ADAMTSL3: variants seen among roughly 807,000 people sequenced by gnomAD.
The protein encoded by ADAMTSL3 is ADAMTS like 3.
ADAMTSL3 carries 128 observed loss-of-function variants against 201.7 expected under a neutral mutation model. The observed-to-expected ratio is 0.63, with a 90% CI of 0.55 to 0.73. ADAMTSL3 has a LOEUF of 0.73. Among genes scored for constraint, ADAMTSL3 ranks in the 30% least tolerant of loss-of-function variants. ADAMTSL3 has a pLI of 0.00. For synonymous variants in ADAMTSL3, 738 were observed against 748.4 expected (o/e 0.99, Z 0.23); for missense variants, 1,990 against 2,119.6 (o/e 0.94, Z 1.20).
At chr15:83,966,708 C>G (rs1464582667) in intron 19 of ADAMTSL3, among the ~76,000 whole-genome samples, 2 of 152,172 alleles carry the variant, frequency 1.3e-5, no homozygotes, top group East Asian at 3.9e-4. Flanking sequence ...ATACCAAAAC[C>G]TGGCAGAAAC....
intron 2 of ADAMTSL3, among the ~76,000 whole-genome samples, chr15:83,683,120 A>C (rs1045233100): frequency 2.6e-5 from 4 of 152,218 alleles, no homozygotes; most frequent in African/African-American, 9.6e-5. Context: ...CCAAGATGAA[A>C]CCAGCATTAG....
chr15:83,718,123 A>G (rs2062044695), intron 3 of ADAMTSL3, among the ~76,000 whole-genome samples: 1 of 152,206 alleles, frequency 6.6e-6, no homozygotes, highest in Non-Finnish European at 1.5e-5. Context: ...AAACCAGGAC[A>G]TATTTTGCAG....
At chr15:83,946,252 T>C in intron 19 of ADAMTSL3, among the ~76,000 whole-genome samples, 1 of 152,222 alleles carries the variant, frequency 6.6e-6, no homozygotes, top group South Asian at 2.1e-4. Context: ...CTTTCCTCCG[T>C]GTCCGCTCTC....
chr15:83,766,006 G>A (rs1460689815), intron 3 of ADAMTSL3, among the ~76,000 whole-genome samples: 2 of 152,150 alleles, frequency 1.3e-5, no homozygotes, highest in African/African-American at 4.8e-5. Flanking sequence ...GAAAACAGAG[G>A]TGAGCACAAA....
intron 19 of ADAMTSL3, among the ~76,000 whole-genome samples, chr15:83,956,847 A>G (rs2066872568): frequency 6.6e-6 from 1 of 152,232 alleles, no homozygotes; most frequent in Non-Finnish European, 1.5e-5. Context: ...TCTACTCTAA[A>G]TAGGCCTATT....
Position 83,860,294 on chromosome 15 carries a change from C to A in ADAMTSL3, c.802+1454C>A, listed in dbSNP as rs116697518. On this transcript the variant is annotated intron_variant, in intron 8 of 29. Transcript: ENST00000286744. ...TTTAGCAAAGTGGGACAAAACAAAA[C>A]AAAATTTAAAATACAAAACCTTATC... Among the ~76,000 whole-genome samples, 1,298 of 152,238 alleles carry A rather than the reference C, an allele frequency of 8.5e-3. 12 individuals carry two copies. The highest frequency in any genetic ancestry group is 0.029 in the African/African-American group (1,215 of 41,548).
Position 83,913,209 on chromosome 15 carries a change from G to T in ADAMTSL3, c.1818G>T (p.Glu606Asp). ...TFTQTETELP[E>D]EECEGPKLPT... ...CGCAGACTGAGACTGAGCTGCCCGAGGAAGAGTGTGAAGGCCCCAAGCTGC... is the reference window on the plus strand; with the variant it reads ...CGCAGACTGAGACTGAGCTGCCCGATGAAGAGTGTGAAGGCCCCAAGCTGC... The change falls in exon 16 of 30, where the codon GAG becomes GAT. Residue 606 changes from glutamate to aspartate, a missense_variant. Coordinates refer to ENST00000286744, the MANE Select transcript of ADAMTSL3 (RefSeq NM_207517.3). 1 of 1,614,138 alleles carries T rather than the reference G, an allele frequency of 6.2e-7. No individual in the cohort carries two copies. The highest frequency in any genetic ancestry group is 8.5e-7 in the Non-Finnish European group (1 of 1,180,030).
intron 22 of ADAMTSL3, among the ~76,000 whole-genome samples, chr15:83,989,963 C>T (rs2067554127): frequency 6.6e-6 from 1 of 152,188 alleles, no homozygotes; most frequent in South Asian, 2.1e-4. Context: ...TCTCTTGAGA[C>T]TTTCTGCAGT....
intron 3 of ADAMTSL3, among the ~76,000 whole-genome samples, chr15:83,748,686 A>AC (rs1567117905): frequency 6.7e-6 from 1 of 150,060 alleles, no homozygotes; most frequent in Admixed American, 6.8e-5. Context: ...CACACACACA[A>AC]AGAAGCAAGG....
chr15:83,948,107 A>G (rs2066689143), intron 19 of ADAMTSL3, among the ~76,000 whole-genome samples: 1 of 152,242 alleles, frequency 6.6e-6, no homozygotes, highest in Non-Finnish European at 1.5e-5. Context: ...GAAAAATGTT[A>G]TAAAGAACAA....
At chr15:84,022,805 C>T (rs541368717) in intron 26 of ADAMTSL3, among the ~76,000 whole-genome samples, 2 of 152,296 alleles carry the variant, frequency 1.3e-5, no homozygotes, top group East Asian at 3.9e-4. Context: ...TATTTGATCT[C>T]CTTCCATGCT....
rs78608506 is a variant in ADAMTSL3 at position 83,848,844 on chromosome 15, T to C, written c.728-9922T>C. 3.2e-4 allele frequency among the ~76,000 whole-genome samples: 49 copies of C among 152,360 alleles called. 1 individual carries two copies. In the East Asian group the frequency reaches 8.5e-3, roughly 26 times the overall value. On this transcript the variant is annotated intron_variant, in intron 7 of 29. Transcript: ENST00000286744. Reference sequence around the variant, plus strand: ...TCAACATGGTTTTAATAATAACTTATACTTACCCAACGCCTAATTGGCACC... The same window carrying C: ...TCAACATGGTTTTAATAATAACTTACACTTACCCAACGCCTAATTGGCACC...
At chr15:83,721,086 G>A (rs375869512) in intron 3 of ADAMTSL3, among the ~76,000 whole-genome samples, 15 of 152,166 alleles carry the variant, frequency 9.9e-5, no homozygotes, top group African/African-American at 3.4e-4. Flanking sequence ...TCTTTTTTCT[G>A]TCCAGCTTAG....
At chr15:83,665,722 C>T (rs2061239449) in intron 2 of ADAMTSL3, among the ~76,000 whole-genome samples, 1 of 152,166 alleles carries the variant, frequency 6.6e-6, no homozygotes. Flanking sequence ...GTTTCCTCTC[C>T]AAGTATTTCA....
At chr15:83,915,607 G>A (rs543161218) in intron 16 of ADAMTSL3, among the ~76,000 whole-genome samples, 22 of 152,120 alleles carry the variant, frequency 1.4e-4, no homozygotes, top group Admixed American at 6.5e-4. Context: ...TTGTGCAGCC[G>A]TTAACATAAT....
chr15:83,988,738 G>A lies in ADAMTSL3; in HGVS notation c.3764G>A (p.Arg1255Lys), dbSNP rs898114814. The change falls in exon 22 of 30, where the codon AGG (arginine) becomes AAG (lysine). Residue 1255 changes from arginine to lysine, a missense_variant. Coordinates refer to ENST00000286744, the MANE Select transcript of ADAMTSL3 (RefSeq NM_207517.3). ...TGKIQIQNPT[R>K]KEQGIYECSV... Reference sequence around the variant, plus strand: ...AAGATACAGATACAGAATCCTACAAGGAAAGAACAAGGCATATATGAATGT... The same window carrying A: ...AAGATACAGATACAGAATCCTACAAAGAAAGAACAAGGCATATATGAATGT... 1.2e-6 allele frequency: 2 copies of A among 1,608,758 alleles called. No individual in the cohort carries two copies. Among genetic ancestry groups the A allele is most frequent in the Non-Finnish European group, 1.7e-6 (2 of 1,176,986 alleles).
At chr15:83,749,398 T>C (rs1018321703) in intron 3 of ADAMTSL3, among the ~76,000 whole-genome samples, 9 of 152,072 alleles carry the variant, frequency 5.9e-5, no homozygotes, top group African/African-American at 2.2e-4. Flanking sequence ...GAGAGCTTTA[T>C]TGATGGGGAT....
chr15:83,993,320 A>C (rs1189254511), intron 23 of ADAMTSL3, among the ~76,000 whole-genome samples: 1 of 152,228 alleles, frequency 6.6e-6, no homozygotes, highest in Non-Finnish European at 1.5e-5. Flanking sequence ...ATATTAATAG[A>C]AGAAGAGACT....
rs529140193 is a variant in ADAMTSL3 at position 83,687,708 on chromosome 15, T to G, written c.70-16681T>G. Reference sequence around the variant, plus strand: ...CTTCAATATTACTTCTTAGATTGTGTATGTGAAAGAATATGAAAGCAGCAC... The same window carrying G: ...CTTCAATATTACTTCTTAGATTGTGGATGTGAAAGAATATGAAAGCAGCAC... On this transcript the variant is annotated intron_variant, in intron 2 of 29. Coordinates refer to ENST00000286744, the MANE Select transcript of ADAMTSL3 (RefSeq NM_207517.3). Among the ~76,000 whole-genome samples the G allele has an allele frequency of 2.0e-5, 3 of 152,250 alleles. No homozygotes were observed. In the South Asian group the frequency reaches 6.2e-4, roughly 32 times the overall value.
Sources: gnomAD v4.1 joint callset for allele counts (sites outside exome capture counted in the v4.1 genomes callset) on GRCh38, gnomAD v4.1.1 for gene constraint, MANE v1.5 for transcripts, NCBI Gene and HGNC (gene_info 2026-07-23, HGNC 2026-07-21) for gene names.